The following ARID4B variants were observed in gnomAD, a reference collection of about 807,000 sequenced individuals.
ARID4B encodes the protein AT-rich interaction domain 4B, also known as AT-rich interactive domain-containing protein 4B.
Under a neutral mutation model 147.5 loss-of-function variants are expected in ARID4B, and 26 were observed. That is an observed-to-expected ratio of 0.18 (90% CI 0.13 to 0.24). The LOEUF is 0.24. Among genes scored for constraint, ARID4B ranks in the 10% least tolerant of loss-of-function variants. The pLI, the probability that ARID4B is intolerant of heterozygous loss-of-function variation, is 1.00. For synonymous variants in ARID4B, 512 were observed against 507.9 expected (o/e 1.01, Z -0.11); for missense variants, 1,179 against 1,511.5 (o/e 0.78, Z 3.65).
At chr1:235,325,142 A>G (rs1675131875) in intron 2 of ARID4B, among the ~76,000 whole-genome samples, 2 of 152,178 alleles carry the variant, frequency 1.3e-5, no homozygotes, top group African/African-American at 2.4e-5. Flanking sequence ...TGCTATACTT[A>G]TAATAACAGG....
At chr1:235,266,306 GTCTA>G (rs1336114982) in intron 2 of ARID4B, among the ~76,000 whole-genome samples, 35 of 152,056 alleles carry the variant, frequency 2.3e-4, no homozygotes, top group Admixed American at 6.6e-5. Flanking sequence ...AAATATGCAT[GTCTA>G]TCTATACGTA....
intron 17 of ARID4B, among the ~76,000 whole-genome samples, chr1:235,200,336 G>A (rs1410993554): frequency 1.3e-5 from 2 of 152,186 alleles, no homozygotes; most frequent in African/African-American, 4.8e-5. Flanking sequence ...GCGGGCGCCT[G>A]TAGTCCTAGC....
chr1:235,308,370 G>T (rs957819613), intron 2 of ARID4B, among the ~76,000 whole-genome samples: 3 of 151,766 alleles, frequency 2.0e-5, no homozygotes, highest in Admixed American at 2.0e-4. Flanking sequence ...GCCTCCCAAA[G>T]TGCTGGGATT....
chr1:235,180,147 T>TTTC (rs1455390444), intron 20 of ARID4B: 2 of 144,438 alleles, frequency 1.4e-5, no homozygotes, highest in African/African-American at 5.1e-5. Flanking sequence ...CTTTTTTTTT[T>TTTC]TTTTTTTTTT....
intron 8 of ARID4B, among the ~76,000 whole-genome samples, chr1:235,238,970 ATTCTTTTTTTTTC>A (rs1668803043): frequency 6.7e-6 from 1 of 148,708 alleles, no homozygotes; most frequent in Non-Finnish European, 1.5e-5. Context: ...GTTCAAGATA[ATTCTTTTTTTTTC>A]TTCTTTTTTT....
intron 22 of ARID4B, among the ~76,000 whole-genome samples, chr1:235,174,940 C>T (rs894569662): frequency 6.6e-6 from 1 of 151,988 alleles, no homozygotes; most frequent in Non-Finnish European, 1.5e-5. Context: ...CCTGTCTCTA[C>T]TAAACACACA....
chr1:235,255,349 C>T (rs563967206), intron 5 of ARID4B, among the ~76,000 whole-genome samples: 4 of 150,920 alleles, frequency 2.7e-5, no homozygotes, highest in East Asian at 1.9e-4. Context: ...ATATCCTTAA[C>T]ATTACTGAAC....
chr1:235,251,619 TTAAG>T (rs1403888902), intron 6 of ARID4B, among the ~76,000 whole-genome samples: 5 of 151,854 alleles, frequency 3.3e-5, no homozygotes, highest in South Asian at 4.2e-4. Context: ...CAAATAGTGT[TTAAG>T]TAATAACACT....
chr1:235,262,736 G>A (rs1036661681), intron 2 of ARID4B, among the ~76,000 whole-genome samples: 42 of 152,082 alleles, frequency 2.8e-4, no homozygotes, highest in Non-Finnish European at 5.6e-4. Flanking sequence ...TTGGGAGGCC[G>A]AAGCAGGACT....
intron 17 of ARID4B, among the ~76,000 whole-genome samples, chr1:235,197,377 A>G (rs1014969846): frequency 9.2e-5 from 14 of 152,230 alleles, no homozygotes; most frequent in African/African-American, 2.4e-5. Flanking sequence ...TTGAGTCATT[A>G]CTTGACTAAT....
intron 3 of ARID4B, 123 bp downstream of exon 3, chr1:235,260,519 G>T: frequency 1.7e-6 from 1 of 584,530 alleles, no homozygotes; most frequent in Admixed American, 3.7e-5. Context: ...TTGTTTTGAG[G>T]TATTTTTACA....
In ARID4B at chr1:235,238,080, T is replaced by C. The variant is rs375496995; in HGVS notation, c.585+2233A>G. Among the ~76,000 whole-genome samples, 60 of 146,604 alleles carry C rather than the reference T, an allele frequency of 4.1e-4. 1 individual carries two copies. In the East Asian group the frequency reaches 0.01, roughly 25 times the overall value. ...GATCACTTGAACCTGGGAGGCGGAGTTGCAGTGAGCCGAGATCGCACCATT... is the reference window on the plus strand; with the variant it reads ...GATCACTTGAACCTGGGAGGCGGAGCTGCAGTGAGCCGAGATCGCACCATT... On this transcript the variant is annotated intron_variant, in intron 8 of 23. Transcript: ENST00000264183.
chr1:235,197,972 A>G (rs939845209), intron 17 of ARID4B, among the ~76,000 whole-genome samples: 1 of 152,196 alleles, frequency 6.6e-6, no homozygotes, highest in African/African-American at 2.4e-5. Context: ...CATGGTGGGA[A>G]ACGAAAAGAA....
chr1:235,300,161 A>T (rs574600645), intron 2 of ARID4B, among the ~76,000 whole-genome samples: 1 of 152,314 alleles, frequency 6.6e-6, no homozygotes, highest in East Asian at 1.9e-4. Flanking sequence ...CATACCTGTA[A>T]TCCCAGCACT....
intron 2 of ARID4B, among the ~76,000 whole-genome samples, chr1:235,300,906 G>A (rs1028569025): frequency 4.6e-5 from 7 of 151,908 alleles, no homozygotes; most frequent in Non-Finnish European, 7.4e-5. Context: ...TAGTAGAGGC[G>A]GGGTTTCACT....
In ARID4B at chr1:235,308,990, G is replaced by A. The variant is rs193146675; in HGVS notation, c.6+17924C>T. ...CTGGCTGCCCAGTCTGGAAAGTGAC[G>A]AGCGTCTCTGCCCGGCCGCCATCCC... On this transcript the variant is annotated intron_variant, in intron 2 of 23. Coordinates refer to ENST00000264183, the MANE Select transcript of ARID4B (RefSeq NM_016374.6). Among the ~76,000 whole-genome samples the A allele has an allele frequency of 6.5e-3, 982 of 151,382 alleles. 13 individuals carry two copies. The highest frequency in any genetic ancestry group is 0.02 in the African/African-American group (835 of 41,054).
At chr1:235,237,013 T>C (rs10925191) in intron 8 of ARID4B, among the ~76,000 whole-genome samples, 69,920 of 146,576 alleles carry the variant, frequency 0.48, 17,016 homozygotes, top group South Asian at 0.61. Context: ...GCTGGGACTA[T>C]AAGCACGCAC....
In ARID4B at chr1:235,246,491, G is replaced by A. The variant is rs765407019; in HGVS notation, c.375C>T (p.Leu125=). ...GAGTGCCAAAATGCTCAGGGTTGGT[G>A]AGTGGGAGCTGGTCTAATGTCTGTG... ...AESETLDQLP[L]TNPEHFGTPV... is the part of the protein sequence containing the mutation. The change falls in exon 7 of 24, where the codon CTC becomes CTT. Residue 125 remains leucine, a synonymous_variant. Coordinates refer to ENST00000264183, the MANE Select transcript of ARID4B (RefSeq NM_016374.6). 4 of 1,613,640 alleles carry A rather than the reference G, an allele frequency of 2.5e-6. No individual in the cohort carries two copies. Among genetic ancestry groups the A allele is most frequent in the Non-Finnish European group, 2.5e-6 (3 of 1,179,598 alleles).
chr1:235,243,069 T>G (rs1000773709), intron 7 of ARID4B, among the ~76,000 whole-genome samples: 4 of 152,136 alleles, frequency 2.6e-5, no homozygotes, highest in African/African-American at 9.6e-5. Context: ...AGCTCTCAAG[T>G]TGAAGATTTT....
Sources: allele counts gnomAD v4.1 joint callset (sites outside exome capture counted in the v4.1 genomes callset), GRCh38; gene constraint gnomAD v4.1.1; transcripts MANE v1.5; gene names NCBI Gene and HGNC (gene_info 2026-07-23, HGNC 2026-07-21).